Variants in MAPKAP1 observed in about 807,000 individuals in gnomAD.
MAPKAP1 encodes the protein MAPK associated protein 1, also known as target of rapamycin complex 2 subunit MAPKAP1.
In MAPKAP1, 20 loss-of-function variants were observed where a neutral mutation model predicts 65.7. The ratio of observed to expected loss-of-function variants is 0.30; its 90% CI spans 0.21 to 0.44. MAPKAP1 has a LOEUF of 0.44. Among genes scored for constraint, MAPKAP1 ranks in the 20% least tolerant of loss-of-function variants. The probability of loss-of-function intolerance (pLI) is 1.00; values close to 1 mark genes in which losing one functional copy is unlikely to be tolerated. For missense variants in MAPKAP1, 423 were observed against 648.0 expected (o/e 0.65, Z 3.77); for synonymous variants, 222 against 244.3 (o/e 0.91, Z 0.85).
intron 7 of MAPKAP1, among the ~76,000 whole-genome samples, chr9:125,514,220 C>T (rs1829394625): frequency 6.6e-6 from 1 of 152,142 alleles, no homozygotes; most frequent in Non-Finnish European, 1.5e-5. Context: ...GATGTTTCCA[C>T]CTCAGGGAAG....
At chr9:125,485,275 C>G (rs1031721073) in intron 8 of MAPKAP1, among the ~76,000 whole-genome samples, 3 of 152,176 alleles carry the variant, frequency 2.0e-5, no homozygotes, top group Non-Finnish European at 4.4e-5. Flanking sequence ...TCACCAGGCT[C>G]TTCCTCTGCA....
rs540929037 is a variant in MAPKAP1 at position 125,582,816 on chromosome 9, C to G, written c.671+2739G>C. Among the ~76,000 whole-genome samples the G allele has an allele frequency of 9.2e-5, 14 of 152,352 alleles. No homozygotes were observed. The South Asian group carries it at 2.7e-3, about 29-fold the overall frequency. On this transcript the variant is annotated intron_variant, in intron 5 of 11. Transcript: ENST00000265960. The stretch of plus-strand genomic sequence containing the variant: ...ATACCCTCATGTAGTATTTCCCACT[C>G]TTTTTGACACCATGACATATGGAGA...
chr9:125,564,634 G>T (rs1297213935), intron 5 of MAPKAP1, among the ~76,000 whole-genome samples: 2 of 152,066 alleles, frequency 1.3e-5, no homozygotes, highest in African/African-American at 4.8e-5. Context: ...CCGAGTTCTG[G>T]AATTATGAAG....
intron 6 of MAPKAP1, among the ~76,000 whole-genome samples, chr9:125,547,519 C>G (rs1190712126): frequency 2.6e-5 from 4 of 152,206 alleles, no homozygotes; most frequent in African/African-American, 9.6e-5. Flanking sequence ...CCAAGCACCT[C>G]ACACTATGGC....
At chr9:125,484,702 G>C in intron 8 of MAPKAP1, 119 bp from the exon 9 acceptor site, 2 of 973,716 alleles carry the variant, frequency 2.1e-6, no homozygotes. Context: ...GAGAAGAAAA[G>C]GCTGAGCGAT....
intron 8 of MAPKAP1, among the ~76,000 whole-genome samples, chr9:125,492,146 G>A (rs1010065776): frequency 2.0e-5 from 3 of 152,072 alleles, no homozygotes; most frequent in Non-Finnish European, 4.4e-5. Context: ...TGAGGCTACA[G>A]TGAGCTGATT....
intron 5 of MAPKAP1, among the ~76,000 whole-genome samples, chr9:125,561,860 T>C (rs1014289053): frequency 5.9e-5 from 9 of 152,246 alleles, no homozygotes; most frequent in African/African-American, 1.4e-4. Context: ...AACTAACTTA[T>C]AGTTGCACCA....
intron 8 of MAPKAP1, among the ~76,000 whole-genome samples, chr9:125,496,489 G>C (rs1202388374): frequency 6.6e-6 from 1 of 152,190 alleles, no homozygotes; most frequent in African/African-American, 2.4e-5. Flanking sequence ...GAAGAGTGCT[G>C]TTGTGGTATA....
chr9:125,560,880 C>G (rs1830872553), intron 5 of MAPKAP1, among the ~76,000 whole-genome samples: 1 of 152,218 alleles, frequency 6.6e-6, no homozygotes, highest in African/African-American at 2.4e-5. Context: ...AACACATACC[C>G]TCTTTGGGGG....
intron 8 of MAPKAP1, among the ~76,000 whole-genome samples, chr9:125,492,165 C>T (rs1854759692): frequency 6.6e-6 from 1 of 152,132 alleles, no homozygotes. Context: ...TTTGCCACTG[C>T]ACTCCATCCT....
intron 5 of MAPKAP1, among the ~76,000 whole-genome samples, chr9:125,560,999 G>A (rs1042032732): frequency 6.6e-6 from 1 of 152,214 alleles, no homozygotes; most frequent in Admixed American, 6.5e-5. Context: ...GCGAGCTTCA[G>A]AATTATGCTA....
At position 125,698,289 on chromosome 9, in the gene MAPKAP1, ATATATAT is replaced by A. The variant is rs1390701506; in HGVS notation, c.-70+8675_-70+8681del. ...TATATATAATACATAATATATATAA[ATATATAT>A]ATATATATATATATATATATATATA... On this transcript the variant is annotated intron_variant, in intron 1 of 11. Coordinates refer to ENST00000265960, the MANE Select transcript of MAPKAP1 (RefSeq NM_001006617.3). Among the ~76,000 whole-genome samples the A allele has an allele frequency of 1.2e-3, 90 of 77,802 alleles. 5 individuals are homozygous for A. The highest frequency in any genetic ancestry group is 3.9e-3 in the African/African-American group (83 of 21,272). 51.0% of individuals were successfully genotyped at this position (77,802 alleles called of 152,430 possible). A position where few individuals can be genotyped will look rare whatever the true frequency, so the allele number is the denominator to read the frequency against.
intron 9 of MAPKAP1, among the ~76,000 whole-genome samples, chr9:125,472,969 C>T (rs1045110341): frequency 3.9e-5 from 6 of 152,172 alleles, no homozygotes; most frequent in Admixed American, 3.9e-4. Flanking sequence ...AATTCAGTAT[C>T]CTTTCTCGAC....
intron 7 of MAPKAP1, among the ~76,000 whole-genome samples, chr9:125,518,186 T>TA (rs913809251): frequency 3.3e-5 from 5 of 152,244 alleles, no homozygotes; most frequent in Non-Finnish European, 7.3e-5. Context: ...CGTTTTAATA[T>TA]AAAAAATTTC....
In MAPKAP1 at chr9:125,581,842, TA is replaced by T. The variant is rs545388977; in HGVS notation, c.671+3712del. Among the ~76,000 whole-genome samples the T allele has an allele frequency of 9.7e-3, 1,426 of 147,516 alleles. 20 individuals carry two copies. The highest frequency in any genetic ancestry group is 0.013 in the Non-Finnish European group (848 of 66,332). ...TTCAACTGGTCCAGGACCATTTGTT[TA>T]AAAAAAAAAAGTCTCTTCTTCCGCC... On this transcript the variant is annotated intron_variant, in intron 5 of 11. Coordinates refer to ENST00000265960, the MANE Select transcript of MAPKAP1 (RefSeq NM_001006617.3).
At chr9:125,679,898 C>A (rs1008488185) in intron 1 of MAPKAP1, among the ~76,000 whole-genome samples, 8 of 152,184 alleles carry the variant, frequency 5.3e-5, no homozygotes, top group African/African-American at 1.7e-4. Context: ...CGAGGCTTCA[C>A]AAAGGTCTGC....
intron 2 of MAPKAP1, among the ~76,000 whole-genome samples, chr9:125,672,043 C>A (rs1208925111): frequency 2.0e-5 from 3 of 152,206 alleles, no homozygotes; most frequent in Non-Finnish European, 4.4e-5. Context: ...CCTTTCTACA[C>A]AATGACTTGT....
At chr9:125,497,304 G>C (rs1451749793) in intron 8 of MAPKAP1, among the ~76,000 whole-genome samples, 2 of 152,168 alleles carry the variant, frequency 1.3e-5, no homozygotes, top group African/African-American at 4.8e-5. Context: ...AACATTCTGT[G>C]AATCTCCTTC....
At chr9:125,546,490 G>T (rs1830429718) in intron 6 of MAPKAP1, among the ~76,000 whole-genome samples, 1 of 152,170 alleles carries the variant, frequency 6.6e-6, no homozygotes, top group Non-Finnish European at 1.5e-5. Context: ...CCGTCTAGGT[G>T]CAAGTGTTAA....
Sources: gnomAD v4.1 joint callset for allele counts (sites outside exome capture counted in the v4.1 genomes callset) on GRCh38, gnomAD v4.1.1 for gene constraint, MANE v1.5 for transcripts, NCBI Gene and HGNC (gene_info 2026-07-23, HGNC 2026-07-21) for gene names.